Variants in ITGAV observed in about 807,000 individuals in gnomAD.
ITGAV encodes integrin subunit alpha V.
Under a neutral mutation model 143.8 loss-of-function variants are expected in ITGAV, and 76 were observed. The observed-to-expected ratio is 0.53, with a 90% CI of 0.44 to 0.64. ITGAV has a LOEUF of 0.64. ITGAV is among the 30% of genes least tolerant of loss of function. The pLI is 0.00. For missense variants in ITGAV, 1,193 were observed against 1,274.7 expected, an observed-to-expected ratio of 0.94 and a Z score of 0.98; for synonymous variants, 453 against 446.7, an observed-to-expected ratio of 1.01 and a Z score of -0.18.
intron 1 of ITGAV, among the ~76,000 whole-genome samples, chr2:186,598,209 A>G (rs1361272605): frequency 6.6e-6 from 1 of 151,952 alleles, no homozygotes; most frequent in Non-Finnish European, 1.5e-5. Context: ...TCTGATGAAA[A>G]GGGGTAGTTG....
chr2:186,600,048 C>T (rs755262205), intron 1 of ITGAV, among the ~76,000 whole-genome samples: 2 of 152,168 alleles, frequency 1.3e-5, no homozygotes, highest in African/African-American at 4.8e-5. Context: ...TAGATGATTT[C>T]ATTCTTCTTA....
intron 2 of ITGAV, among the ~76,000 whole-genome samples, chr2:186,608,665 T>G (rs1217817714): frequency 6.6e-6 from 1 of 152,138 alleles, no homozygotes; most frequent in Non-Finnish European, 1.5e-5. Flanking sequence ...TTTTCCTGAG[T>G]AGACTATAAG....
At position 186,674,735 on chromosome 2, in the gene ITGAV, C is replaced by T. The variant is rs77150765; in HGVS notation, c.2707-869C>T. ...CCATGTTGGCCAGGCTGGTCTCGAA[C>T]TCCTGACCTCAAGCGATACGCCTGC... On this transcript the variant is annotated intron_variant, in intron 26 of 29. Coordinates refer to ENST00000261023, the MANE Select transcript of ITGAV (RefSeq NM_002210.5). Among the ~76,000 whole-genome samples, 1,339 of 152,174 alleles carry T rather than the reference C, an allele frequency of 8.8e-3. 21 individuals carry two copies. The highest frequency in any genetic ancestry group is 0.03 in the African/African-American group (1,225 of 41,506).
chr2:186,629,247 A>G (rs1045563145), intron 4 of ITGAV, among the ~76,000 whole-genome samples: 7 of 152,036 alleles, frequency 4.6e-5, no homozygotes, highest in Non-Finnish European at 8.8e-5. Context: ...TGGCAAAAGC[A>G]CTCAGTTTAA....
intron 4 of ITGAV, among the ~76,000 whole-genome samples, chr2:186,628,865 T>A (rs1687746249): frequency 6.6e-6 from 1 of 152,094 alleles, no homozygotes; most frequent in Non-Finnish European, 1.5e-5. Context: ...AACAGTACAG[T>A]GTAGTGTTAT....
chr2:186,616,279 T>A (rs1482298449), intron 2 of ITGAV, among the ~76,000 whole-genome samples: 10 of 140,740 alleles, frequency 7.1e-5, no homozygotes, highest in Non-Finnish European at 1.2e-4. Context: ...CCTTATTTTT[T>A]TTTTTTTTTT....
At position 186,666,713 on chromosome 2, in the gene ITGAV, G is replaced by T; in HGVS notation, c.2176G>T (p.Gly726Cys). Residue 726 changes from glycine (G) to cysteine (C), a missense_variant, in exon 22 of 30, where the codon GGT (glycine) becomes TGT (cysteine). Physicochemically the swap from Gly to Cys is radical, Grantham distance 159 (BLOSUM62 -3). Transcript: ENST00000261023. ...PMKAGTQLLA[G>C]LRFSVHQQSE... is the part of the protein sequence containing the mutation. ...TTCCTCTCTCCTTTAGCTCTTAGCT[G>T]GTCTTCGTTTCAGTGTGCACCAGCA... 1 of 1,567,632 alleles carries T rather than the reference G, an allele frequency of 6.4e-7. No homozygotes were observed. The highest frequency in any genetic ancestry group is 8.6e-7 in the Non-Finnish European group (1 of 1,160,522).
At chr2:186,612,611 T>G (rs1370338798) in intron 2 of ITGAV, among the ~76,000 whole-genome samples, 3 of 152,208 alleles carry the variant, frequency 2.0e-5, no homozygotes, top group Non-Finnish European at 4.4e-5. Flanking sequence ...GAGTATTTTC[T>G]GGGTATAACT....
chr2:186,641,674 A>C (rs1434547326), intron 12 of ITGAV, 86 bp downstream of exon 12: 1 of 1,054,324 alleles, frequency 9.5e-7, no homozygotes, highest in Admixed American at 2.0e-5. Flanking sequence ...AGAAGTCTAC[A>C]CGAGCAAATC....
At chr2:186,607,540 A>G (rs986447753) in intron 2 of ITGAV, among the ~76,000 whole-genome samples, 2 of 152,132 alleles carry the variant, frequency 1.3e-5, no homozygotes, top group Non-Finnish European at 2.9e-5. Flanking sequence ...GGCCTGTGGT[A>G]AGGAAGACAT....
At chr2:186,656,111 G>A (rs1688575804) in intron 16 of ITGAV, 136 bp from the exon 17 acceptor site, 1 of 537,716 alleles carries the variant, frequency 1.9e-6, no homozygotes, top group African/African-American at 2.0e-5. Flanking sequence ...TCATTACAAT[G>A]TAATGACATT....
At chr2:186,675,480 A>G (rs1689181235) in intron 26 of ITGAV, 124 bp from the exon 27 acceptor site, 1 of 667,506 alleles carries the variant, frequency 1.5e-6, no homozygotes, top group Admixed American at 2.7e-5. Flanking sequence ...GTTTATTTTC[A>G]AGACAGAAGA....
At chr2:186,628,407 T>G (rs1687732969) in intron 4 of ITGAV, among the ~76,000 whole-genome samples, 2 of 152,144 alleles carry the variant, frequency 1.3e-5, no homozygotes, top group African/African-American at 4.8e-5. Context: ...AACTTCACTG[T>G]CTGTCACTAA....
At chr2:186,653,788 T>C (rs1688508234) in intron 15 of ITGAV, among the ~76,000 whole-genome samples, 2 of 152,204 alleles carry the variant, frequency 1.3e-5, no homozygotes, top group Admixed American at 1.3e-4. Context: ...TTTTTGAGTA[T>C]GGCACATAGA....
intron 17 of ITGAV, 38 bp downstream of exon 17, chr2:186,656,439 T>G: frequency 1.4e-6 from 2 of 1,384,618 alleles, no homozygotes; most frequent in Non-Finnish European, 1.9e-6. Context: ...TTGTTCCTTT[T>G]TAGTCATTAG....
At chr2:186,599,713 C>T (rs1476545559) in intron 1 of ITGAV, among the ~76,000 whole-genome samples, 1 of 152,194 alleles carries the variant, frequency 6.6e-6, no homozygotes, top group Non-Finnish European at 1.5e-5. Flanking sequence ...ACTATGTTGC[C>T]TAGGCTAGTC....
chr2:186,678,948 T>TAA lies in ITGAV; in HGVS notation c.*1657_*1658insAA. On this transcript the variant is annotated 3_prime_UTR_variant, in exon 30 of 30. Coordinates refer to ENST00000261023, the MANE Select transcript of ITGAV (RefSeq NM_002210.5). ...TATATTCGTAAAATAGGAGCACATT[T>TAA]AGTTGAGGTATACAAGGTAGGACTC... 2 of 354,600 alleles carry TAA rather than the reference T, an allele frequency of 5.6e-6. No homozygotes were observed. The highest frequency in any genetic ancestry group is 4.5e-5 in the South Asian group (2 of 44,810). The allele number at this position is 354,600 out of a possible 1,614,324, so 22.0% of individuals were successfully genotyped here.
intron 1 of ITGAV, 119 bp from the exon 2 acceptor site, chr2:186,601,902 A>C (rs1686917948): frequency 1.0e-6 from 1 of 998,492 alleles, no homozygotes; most frequent in Non-Finnish European, 1.4e-6. Flanking sequence ...AGTGAATAGC[A>C]AATGGTTTTA....
At chr2:186,610,071 C>G (rs1411194349) in intron 2 of ITGAV, among the ~76,000 whole-genome samples, 2 of 152,036 alleles carry the variant, frequency 1.3e-5, no homozygotes, top group Non-Finnish European at 2.9e-5. Flanking sequence ...TGAACTAATA[C>G]TTTCAGTACC....
Sources: allele counts gnomAD v4.1 joint callset (sites outside exome capture counted in the v4.1 genomes callset), GRCh38; gene constraint gnomAD v4.1.1; transcripts MANE v1.5; gene names NCBI Gene and HGNC (gene_info 2026-07-23, HGNC 2026-07-21).